Variants in OSBP2 observed in about 807,000 individuals in gnomAD.
OSBP2 encodes oxysterol-binding protein 2.
A neutral mutation model predicts 96.0 loss-of-function variants in OSBP2; 66 were observed. That is an observed-to-expected ratio of 0.69 (90% CI 0.56 to 0.84). The LOEUF is 0.84. Ranked by LOEUF, OSBP2 falls within the 40% of genes least tolerant of loss-of-function variation. The pLI, the probability that OSBP2 is intolerant of heterozygous loss-of-function variation, is 0.00. For missense variants in OSBP2, 1,038 were observed against 1,222.7 expected (o/e 0.85, Z 2.25); for synonymous variants, 525 against 520.9 (o/e 1.01, Z -0.11).
intron 2 of OSBP2, among the ~76,000 whole-genome samples, chr22:30,799,760 C>T (rs550568133): frequency 6.6e-6 from 1 of 152,382 alleles, no homozygotes; most frequent in East Asian, 1.9e-4. Flanking sequence ...CAGTCCATCA[C>T]TGGCAGCTCC....
chr22:30,752,288 CTTTTTTTTTTTTTTTTTT>C (rs10691256), intron 2 of OSBP2, among the ~76,000 whole-genome samples: 2 of 48,654 alleles, frequency 4.1e-5, no homozygotes, highest in Admixed American at 5.4e-4. Flanking sequence ...CTTTGCTTTG[CTTTTTTTTTTTTTTTTTT>C]TTTTTTTTTT....
chr22:30,739,417 C>T (rs1470873341), intron 1 of OSBP2, among the ~76,000 whole-genome samples: 1 of 152,234 alleles, frequency 6.6e-6, no homozygotes, highest in Non-Finnish European at 1.5e-5. Flanking sequence ...CCCTCAGGCT[C>T]TGGGCCTCCA....
chr22:30,776,687 A>T (rs2090442491), intron 2 of OSBP2, among the ~76,000 whole-genome samples: 1 of 151,934 alleles, frequency 6.6e-6, no homozygotes, highest in Admixed American at 6.6e-5. Context: ...TGCATGCTTC[A>T]CATTTTGATA....
intron 2 of OSBP2, among the ~76,000 whole-genome samples, chr22:30,748,984 C>T (rs1256600760): frequency 3.3e-5 from 5 of 152,134 alleles, no homozygotes; most frequent in Admixed American, 6.5e-5. Flanking sequence ...GGCATAGTAG[C>T]GCACGCCTGT....
chr22:30,805,033 C>T (rs1418213296), intron 2 of OSBP2, among the ~76,000 whole-genome samples: 2 of 152,146 alleles, frequency 1.3e-5, no homozygotes, highest in African/African-American at 4.8e-5. Context: ...TATTTTAACC[C>T]ATAGTCTGAG....
chr22:30,797,813 C>G (rs1602277752), intron 2 of OSBP2, among the ~76,000 whole-genome samples: 1 of 152,042 alleles, frequency 6.6e-6, no homozygotes, highest in African/African-American at 2.4e-5. Flanking sequence ...AGACTGGTCT[C>G]AAACTCCTGA....
intron 3 of OSBP2, among the ~76,000 whole-genome samples, chr22:30,873,273 T>C (rs561130491): frequency 6.6e-6 from 1 of 152,132 alleles, no homozygotes; most frequent in Non-Finnish European, 1.5e-5. Flanking sequence ...GTGACCTCCT[T>C]GGAGGGTTGC....
intron 2 of OSBP2, among the ~76,000 whole-genome samples, chr22:30,792,726 T>C (rs1022338194): frequency 2.6e-5 from 4 of 152,228 alleles, no homozygotes; most frequent in African/African-American, 7.2e-5. Context: ...TTGGTTTGTC[T>C]TGTCTCTTCG....
chr22:30,850,306 CAA>C (rs145695204), intron 2 of OSBP2, among the ~76,000 whole-genome samples: 14 of 121,114 alleles, frequency 1.2e-4, no homozygotes, highest in East Asian at 2.4e-4. Flanking sequence ...GACTCTGTCT[CAA>C]AAAAAAAAAA....
At chr22:30,817,553 A>T (rs1453741122) in intron 2 of OSBP2, among the ~76,000 whole-genome samples, 9 of 152,210 alleles carry the variant, frequency 5.9e-5, no homozygotes, top group Admixed American at 1.3e-4. Flanking sequence ...TGTGAGGAGG[A>T]ATGCACCAGC....
intron 2 of OSBP2, among the ~76,000 whole-genome samples, chr22:30,812,114 A>G (rs1021585199): frequency 1.3e-5 from 2 of 151,996 alleles, no homozygotes; most frequent in African/African-American, 2.4e-5. Flanking sequence ...TTGGCCTCCC[A>G]AAGTGCTGGG....
At chr22:30,830,516 A>G (rs1406473178) in intron 2 of OSBP2, among the ~76,000 whole-genome samples, 1 of 152,192 alleles carries the variant, frequency 6.6e-6, no homozygotes, top group Non-Finnish European at 1.5e-5. Flanking sequence ...TCCACCGCGG[A>G]TATTTTTACA....
At chr22:30,793,257 G>T (rs2090704969) in intron 2 of OSBP2, among the ~76,000 whole-genome samples, 1 of 152,144 alleles carries the variant, frequency 6.6e-6, no homozygotes, top group Non-Finnish European at 1.5e-5. Flanking sequence ...AGGTGTGGTG[G>T]CAGGTGCCTG....
upstream of OSBP2, chr22:30,694,205 T>G: frequency 6.5e-7 from 1 of 1,550,066 alleles, no homozygotes; most frequent in Non-Finnish European, 8.7e-7. Context: ...CCTATTTGTT[T>G]AGAGAACCCG....
At chr22:30,865,873 C>T (rs2039327172) in intron 2 of OSBP2, among the ~76,000 whole-genome samples, 1 of 152,108 alleles carries the variant, frequency 6.6e-6, no homozygotes, top group African/African-American at 2.4e-5. Flanking sequence ...AGAACTGCCG[C>T]CTCCCCACCC....
intron 2 of OSBP2, among the ~76,000 whole-genome samples, chr22:30,746,089 A>C (rs2145747346): frequency 6.6e-6 from 1 of 152,312 alleles, no homozygotes; most frequent in Admixed American, 6.5e-5. Flanking sequence ...GTCCAAGACC[A>C]GATGGCTTAA....
In OSBP2 at chr22:30,853,614, T is replaced by A. The variant is rs546608467; in HGVS notation, c.854-16815T>A. 2.0e-5 allele frequency among the ~76,000 whole-genome samples: 3 copies of A among 152,306 alleles called. No individual in the cohort carries two copies. The East Asian group carries it at 5.8e-4, about 29-fold the overall frequency. ...CCTGATAAAGTCTCTGACTTTTAAT[T>A]GAAGTGCTGAGACGATTTTAATATA... On this transcript the variant is annotated intron_variant, in intron 2 of 13. Transcript: ENST00000332585.
intron 1 of OSBP2, among the ~76,000 whole-genome samples, chr22:30,715,318 G>A (rs1283287672): frequency 6.6e-6 from 1 of 150,650 alleles, no homozygotes; most frequent in African/African-American, 2.4e-5. Context: ...TATCTATTGT[G>A]GTTTTGATTT....
At chr22:30,751,052 C>T (rs1427114159) in intron 2 of OSBP2, among the ~76,000 whole-genome samples, 1 of 151,904 alleles carries the variant, frequency 6.6e-6, no homozygotes, top group Non-Finnish European at 1.5e-5. Context: ...CTATTGATAA[C>T]TCTTAAAATC....
Sources: gnomAD v4.1 joint callset for allele counts (sites outside exome capture counted in the v4.1 genomes callset) on GRCh38, gnomAD v4.1.1 for gene constraint, MANE v1.5 for transcripts, NCBI Gene and HGNC (gene_info 2026-07-23, HGNC 2026-07-21) for gene names.